Variants in TMEM164 observed in about 807,000 individuals in gnomAD.
TMEM164 encodes transmembrane protein 164.
TMEM164 carries 4 observed loss-of-function variants against 18.8 expected under a neutral mutation model. The ratio of observed to expected loss-of-function variants is 0.21; its 90% CI spans 0.10 to 0.49. The LOEUF (loss-of-function observed/expected upper bound fraction) is 0.49. Ranked by LOEUF, TMEM164 falls within the 20% of genes least tolerant of loss-of-function variation. The pLI, the probability that TMEM164 is intolerant of heterozygous loss-of-function variation, is 0.98. For synonymous variants in TMEM164, 86 were observed against 101.7 expected (o/e 0.85, Z 0.93); for missense variants, 108 against 239.9 (o/e 0.45, Z 3.63).
chrX:110,016,135 A>G (rs960525957), intron 2 of TMEM164, among the ~76,000 whole-genome samples: 4 of 112,851 alleles, frequency 3.5e-5, no homozygotes, highest in African/African-American at 1.3e-4. Flanking sequence ...AGATGGACGC[A>G]CATGGAAACC....
intron 3 of TMEM164, among the ~76,000 whole-genome samples, chrX:110,074,166 C>G (rs2065637724): frequency 9.0e-6 from 1 of 111,329 alleles, no homozygotes; most frequent in African/African-American, 3.3e-5. Context: ...GAGTGAGCCA[C>G]CACGCTTGAC....
intron 4 of TMEM164, among the ~76,000 whole-genome samples, chrX:110,139,898 A>G (rs186415669): frequency 9.0e-6 from 1 of 110,918 alleles, no homozygotes; most frequent in East Asian, 2.9e-4. Flanking sequence ...GCCAGACACA[A>G]GGTGGTGGCT....
intron 2 of TMEM164, chrX:110,055,218 G>A: frequency 3.0e-6 from 1 of 337,659 alleles, no homozygotes; most frequent in Non-Finnish European, 6.0e-6. Flanking sequence ...CTTTTTTCTT[G>A]ACAAGATTTT....
At chrX:110,006,261 G>A (rs938191983) in intron 2 of TMEM164, among the ~76,000 whole-genome samples, 1 of 111,294 alleles carries the variant, frequency 9.0e-6, no homozygotes, top group African/African-American at 3.3e-5. Flanking sequence ...CAGGTGGCCA[G>A]TTCCCATTCA....
intron 3 of TMEM164, among the ~76,000 whole-genome samples, chrX:110,080,769 A>G (rs971121017): frequency 9.0e-5 from 10 of 111,345 alleles, no homozygotes; most frequent in African/African-American, 2.9e-4. Context: ...CCCAGGCTGG[A>G]GTGCAGTGGT....
At chrX:110,043,025 A>G (rs1423718505) in intron 2 of TMEM164, among the ~76,000 whole-genome samples, 1 of 112,491 alleles carries the variant, frequency 8.9e-6, no homozygotes, top group African/African-American at 3.2e-5. Flanking sequence ...GCTCTGATTT[A>G]TGGCATTTGC....
At chrX:110,163,280 T>C (rs2067116250) in intron 5 of TMEM164, among the ~76,000 whole-genome samples, 1 of 112,366 alleles carries the variant, frequency 8.9e-6, no homozygotes, top group African/African-American at 3.2e-5. Flanking sequence ...ACATATGTAA[T>C]TTCAAATGTT....
chrX:110,098,950 A>ATTTTTTTTTTTTT (rs772519388), intron 3 of TMEM164, among the ~76,000 whole-genome samples: 1 of 85,095 alleles, frequency 1.2e-5, no homozygotes, highest in Non-Finnish European at 2.3e-5. Context: ...CACCCGGCTA[A>ATTTTTTTTTTTTT]TTTTTTTTTT....
chrX:110,058,998 C>T (rs1198668180), intron 2 of TMEM164, among the ~76,000 whole-genome samples: 1 of 110,452 alleles, frequency 9.1e-6, no homozygotes, highest in Non-Finnish European at 1.9e-5. Context: ...TGGTGAAGTA[C>T]AGTATATTTA....
intron 2 of TMEM164, among the ~76,000 whole-genome samples, chrX:110,065,674 G>T (rs1204734944): frequency 8.9e-6 from 1 of 112,012 alleles, no homozygotes; most frequent in Non-Finnish European, 1.9e-5. Context: ...AAACCATTAA[G>T]ATCAGATATA....
intron 2 of TMEM164, among the ~76,000 whole-genome samples, chrX:110,026,031 A>T (rs1934169511): frequency 8.9e-6 from 1 of 112,538 alleles, no homozygotes; most frequent in Non-Finnish European, 1.9e-5. Context: ...GAATTATGTG[A>T]GTTAATATTT....
chrX:110,141,632 C>T lies in TMEM164; in HGVS notation c.508-3166C>T, dbSNP rs1173841870. ...GTTATCTCCCACTGGGTCCCTCCCA[C>T]AGCACGTGGGAATTATGGGAGGTAC... is the stretch of plus-strand genomic sequence containing the variant. On this transcript the variant is annotated intron_variant, in intron 4 of 6. Coordinates refer to ENST00000372068, the MANE Select transcript of TMEM164 (RefSeq NM_032227.4). Among the ~76,000 whole-genome samples, 5 of 112,164 alleles carry T rather than the reference C, an allele frequency of 4.5e-5. No individual in the cohort carries two copies. The East Asian group carries it at 1.4e-3, about 31-fold the overall frequency.
chrX:110,130,513 T>A (rs1001452546), intron 4 of TMEM164, among the ~76,000 whole-genome samples: 1 of 111,447 alleles, frequency 9.0e-6, no homozygotes, highest in Non-Finnish European at 1.9e-5. Context: ...ATTATTATTA[T>A]CTCCGTTGTT....
chrX:110,145,533 G>T (rs1402202761), intron 5 of TMEM164, among the ~76,000 whole-genome samples: 1 of 111,773 alleles, frequency 8.9e-6, no homozygotes, highest in Non-Finnish European at 1.9e-5. Flanking sequence ...TATCCATCTA[G>T]GCTTGTTGTG....
At chrX:110,093,983 G>A (rs1385505987) in intron 3 of TMEM164, among the ~76,000 whole-genome samples, 1 of 111,431 alleles carries the variant, frequency 9.0e-6, no homozygotes, top group Admixed American at 9.6e-5. Context: ...CAGTTTCCAT[G>A]TAGTTGAGTG....
intron 4 of TMEM164, among the ~76,000 whole-genome samples, chrX:110,132,526 A>T (rs2066627612): frequency 8.9e-6 from 1 of 112,130 alleles, no homozygotes; most frequent in Admixed American, 9.5e-5. Context: ...ATAGATATAT[A>T]CATGTAGATA....
chrX:110,177,986 A>AC (rs1321842566), downstream of TMEM164, among the ~76,000 whole-genome samples: 6 of 111,748 alleles, frequency 5.4e-5, no homozygotes, highest in South Asian at 3.8e-4. Flanking sequence ...TCTGCCAGGG[A>AC]CCCAGCAGGC....
At chrX:110,170,916 C>T (rs948497568) in intron 5 of TMEM164, among the ~76,000 whole-genome samples, 2 of 111,588 alleles carry the variant, frequency 1.8e-5, no homozygotes, top group African/African-American at 3.3e-5. Context: ...TCACATGGCC[C>T]GTAAGCGGTA....
chrX:110,086,864 T>C (rs2065862566), intron 3 of TMEM164, among the ~76,000 whole-genome samples: 1 of 110,374 alleles, frequency 9.1e-6, no homozygotes, highest in Non-Finnish European at 1.9e-5. Context: ...GACATTTGAG[T>C]ATTTAAGAGG....
Sources: gnomAD v4.1 joint callset for allele counts (sites outside exome capture counted in the v4.1 genomes callset) on GRCh38, gnomAD v4.1.1 for gene constraint, MANE v1.5 for transcripts, NCBI Gene and HGNC (gene_info 2026-07-23, HGNC 2026-07-21) for gene names.